The following CADM4 variants were observed in gnomAD, a reference collection of about 807,000 sequenced individuals.
The protein encoded by CADM4 is TSLC1-like 2.
In CADM4, 13 loss-of-function variants were observed where a neutral mutation model predicts 43.9. The ratio of observed to expected loss-of-function variants is 0.30; its 90% CI spans 0.19 to 0.47. CADM4 has a LOEUF of 0.47. Among genes scored for constraint, CADM4 ranks in the 20% least tolerant of loss-of-function variants. CADM4 has a pLI of 1.00. For synonymous variants in CADM4, 209 were observed against 220.9 expected (o/e 0.95, Z 0.48); for missense variants, 420 against 527.0 (o/e 0.80, Z 1.99).
At chr19:43,630,286 T>TC (rs1022605203) in intron 1 of CADM4, among the ~76,000 whole-genome samples, 9 of 136,286 alleles carry the variant, frequency 6.6e-5, no homozygotes, top group East Asian at 6.1e-4. Context: ...CTTTTCTTTT[T>TC]TTTTTTTTTT....
At chr19:43,639,389 A>G (rs1973742111) in intron 1 of CADM4, among the ~76,000 whole-genome samples, 1 of 150,974 alleles carries the variant, frequency 6.6e-6, no homozygotes, top group Non-Finnish European at 1.5e-5. Flanking sequence ...GGGGGTTCAG[A>G]GACGGGCGGA....
At chr19:43,635,317 C>T (rs1463897036) in intron 1 of CADM4, among the ~76,000 whole-genome samples, 2 of 151,986 alleles carry the variant, frequency 1.3e-5, no homozygotes, top group South Asian at 2.1e-4. Flanking sequence ...CCTGACTGAA[C>T]CCCCCTCAGC....
chr19:43,638,119 C>G (rs1368740889), intron 1 of CADM4, among the ~76,000 whole-genome samples: 5 of 152,212 alleles, frequency 3.3e-5, no homozygotes, highest in Non-Finnish European at 7.3e-5. Context: ...AGTTCTAAAG[C>G]AGTCACAGAA....
rs1973547241 is a variant in CADM4, at chr19:43,627,364, T to C, written c.212-46A>G. 1 of 1,523,748 alleles carries C rather than the reference T, an allele frequency of 6.6e-7. No homozygotes were observed. The highest frequency in any genetic ancestry group is 1.3e-5 in the South Asian group (1 of 77,242). The allele number at this position is 1,523,748 out of a possible 1,614,324, so 94.4% of individuals were successfully genotyped here. A position where few individuals can be genotyped will look rare whatever the true frequency, so the allele number is the denominator to read the frequency against. On this transcript the variant is annotated intron_variant, in intron 2 of 8. Transcript: ENST00000222374. The surrounding 1 kb of genome is among the most constrained non-coding windows in gnomAD (Gnocchi z 4.0). ...GGTGTGAATTTCGGGAGTCCTGGCC[T>C]CACAAGTCCCACCCTTCCGACAGGA...
chr19:43,629,350 T>C (rs1319958649), intron 1 of CADM4, among the ~76,000 whole-genome samples: 1 of 152,160 alleles, frequency 6.6e-6, no homozygotes, highest in Non-Finnish European at 1.5e-5. Flanking sequence ...TTCAGGGGTG[T>C]CTGTTACAGC....
intron 1 of CADM4, among the ~76,000 whole-genome samples, chr19:43,632,887 C>A (rs1206545172): frequency 6.6e-6 from 1 of 151,960 alleles, no homozygotes; most frequent in Non-Finnish European, 1.5e-5. Context: ...GAGTTCAAGA[C>A]CAGCCTGGCC....
upstream of CADM4, among the ~76,000 whole-genome samples, chr19:43,640,142 G>A (rs925464722): frequency 2.6e-5 from 4 of 151,390 alleles, no homozygotes; most frequent in African/African-American, 7.3e-5. Context: ...CAGGTGCTGC[G>A]CGCGAGGGTG....
At position 43,627,320 on chromosome 19, in the gene CADM4, T is replaced by A. The variant is rs2074872449; in HGVS notation, c.212-2A>T. Reference sequence around the variant, plus strand: ...GCTGGAAACGCTCATCCTTCAAGGCTAGAGAGAGTGAGGGGGAAGGTGTGA... The same window carrying A: ...GCTGGAAACGCTCATCCTTCAAGGCAAGAGAGAGTGAGGGGGAAGGTGTGA... On this transcript the variant is annotated splice_acceptor_variant, in intron 2 of 8. Transcript: ENST00000222374. LOFTEE classifies it high-confidence loss of function. The surrounding 1 kb of genome is among the most constrained non-coding windows in gnomAD (Gnocchi z 4.0). The A allele has an allele frequency of 6.4e-7, 1 of 1,573,616 alleles. No homozygotes were observed. The highest frequency in any genetic ancestry group is 1.8e-5 in the Admixed American group (1 of 55,678).
chr19:43,628,371 G>A (rs1398737307), intron 1 of CADM4, among the ~76,000 whole-genome samples: 2 of 151,572 alleles, frequency 1.3e-5, no homozygotes, highest in African/African-American at 4.8e-5. Flanking sequence ...GGAGTTGGAA[G>A]TTGCAGTGAG....
At chr19:43,639,356 T>G (rs550793224) in intron 1 of CADM4, among the ~76,000 whole-genome samples, 18 of 96,708 alleles carry the variant, frequency 1.9e-4, no homozygotes, top group South Asian at 4.3e-4. Flanking sequence ...AGGACAAGGG[T>G]AGGGGGACGA....
chr19:43,627,911 T>C lies in CADM4; in HGVS notation c.65-121A>G. On this transcript the variant is annotated intron_variant, in intron 1 of 8. Transcript: ENST00000222374. This position sits in a 1 kb window ranked among gnomAD's most constrained non-coding sequence, Gnocchi z 4.0. ...CTCTCTTTCCCCTCATTCATTCCAT[T>C]GCACTGAACATTTCCTGCAGGCTAG... 1 of 972,198 alleles carries C rather than the reference T, an allele frequency of 1.0e-6. No individual in the cohort carries two copies. Among genetic ancestry groups the C allele is most frequent in the Non-Finnish European group, 1.6e-6 (1 of 642,004 alleles). 60.2% of individuals were successfully genotyped at this position (972,198 alleles called of 1,614,324 possible).
At position 43,639,751 on chromosome 19, in the gene CADM4, G is replaced by A. The variant is rs1389342012; in HGVS notation, c.40C>T (p.Leu14=). The A allele has an allele frequency of 9.8e-6, 10 of 1,021,792 alleles. No individual in the cohort carries two copies. Among genetic ancestry groups the A allele is most frequent in the Non-Finnish European group, 1.1e-5 (9 of 851,666 alleles). The allele number at this position is 1,021,792 out of a possible 1,614,324, so 63.3% of individuals were successfully genotyped here. Residue 14 remains leucine, a synonymous_variant, in exon 1 of 9, where the codon CTG becomes TTG. Transcript: ENST00000222374. ...CCTGGCCCCGCCGCGGCCGCCCACA[G>A]CAGCAGCAGCGGCCACTGGAAGCGC... is the stretch of plus-strand genomic sequence containing the variant. The part of the protein sequence containing the change: ...ARRFQWPLLL[L]WAAAAGPGAG...
At position 43,626,021 on chromosome 19, in the gene CADM4, GGAGA is replaced by G; in HGVS notation, c.665-24_665-21del. 1 of 1,614,076 alleles carries G rather than the reference GGAGA, an allele frequency of 6.2e-7. No homozygotes were observed. The highest frequency in any genetic ancestry group is 8.5e-7 in the Non-Finnish European group (1 of 1,179,946). On this transcript the variant is annotated intron_variant, in intron 5 of 8. Coordinates refer to ENST00000222374, the MANE Select transcript of CADM4 (RefSeq NM_145296.2). The surrounding 1 kb of genome is among the most constrained non-coding windows in gnomAD (Gnocchi z 5.9). ...GGGAGTCTGTTAGGCAAAAGTAAGA[GGAGA>G]GAGTAGTTTCCAAGCCATCACGCAG...
At position 43,627,411 on chromosome 19, in the gene CADM4, C is replaced by T; in HGVS notation, c.212-93G>A. On this transcript the variant is annotated intron_variant, in intron 2 of 8. Transcript: ENST00000222374. The surrounding 1 kb of genome is among the most constrained non-coding windows in gnomAD (Gnocchi z 4.0). ...AGGAGCTTAGAGTCCAGCCCTCTGC[C>T]TCTTTTCTCCAGCCATATCTATGAG... is the stretch of plus-strand genomic sequence containing the variant. 7.1e-7 allele frequency: 1 copy of T among 1,410,228 alleles called. No individual in the cohort carries two copies. The highest frequency in any genetic ancestry group is 9.5e-7 in the Non-Finnish European group (1 of 1,056,564). 87.4% of individuals were successfully genotyped at this position (1,410,228 alleles called of 1,614,324 possible). A position where few individuals can be genotyped will look rare whatever the true frequency, so the allele number is the denominator to read the frequency against.
intron 1 of CADM4, among the ~76,000 whole-genome samples, chr19:43,633,902 C>T (rs1298681797): frequency 1.3e-5 from 2 of 151,282 alleles, no homozygotes; most frequent in South Asian, 4.2e-4. Flanking sequence ...CAATATCTTG[C>T]CCAGGTTGGT....
chr19:43,624,961 AC>A, intron 7 of CADM4, 116 bp downstream of exon 7: 1 of 1,197,584 alleles, frequency 8.4e-7, no homozygotes, highest in Non-Finnish European at 1.1e-6. Context: ...TGGTCCCAAA[AC>A]AAAAAGAACT....
chr19:43,632,174 C>G (rs1358463382), intron 1 of CADM4, among the ~76,000 whole-genome samples: 1 of 152,156 alleles, frequency 6.6e-6, no homozygotes, highest in Non-Finnish European at 1.5e-5. Context: ...AGGTCAAAAA[C>G]CTAGAAATCA....
At position 43,639,800 on chromosome 19, in the gene CADM4, G is replaced by A. The variant is rs1160007221; in HGVS notation, c.-10C>T. 1.0e-6 allele frequency: 1 copy of A among 998,660 alleles called. No individual in the cohort carries two copies. Among genetic ancestry groups the A allele is most frequent in the Non-Finnish European group, 1.2e-6 (1 of 842,688 alleles). The allele number at this position is 998,660 out of a possible 1,614,324, so 61.9% of individuals were successfully genotyped here. Reference sequence around the variant, plus strand: ...GCCGGGCCCGGCCCATGGTGCCGCCGCCGCCGCCGCCGCCGCTCGCTCCCG... The same window carrying A: ...GCCGGGCCCGGCCCATGGTGCCGCCACCGCCGCCGCCGCCGCTCGCTCCCG... On this transcript the variant is annotated 5_prime_UTR_variant, in exon 1 of 9. Transcript: ENST00000222374.
chr19:43,639,805 C>T lies in CADM4; in HGVS notation c.-15G>A. The T allele has an allele frequency of 1.0e-6, 1 of 1,000,302 alleles. No homozygotes were observed. Among genetic ancestry groups the T allele is most frequent in the Non-Finnish European group, 1.2e-6 (1 of 843,986 alleles). 62.0% of individuals were successfully genotyped at this position (1,000,302 alleles called of 1,614,324 possible). On this transcript the variant is annotated 5_prime_UTR_variant, in exon 1 of 9. Transcript: ENST00000222374. Reference sequence around the variant, plus strand: ...GCCCGGCCCATGGTGCCGCCGCCGCCGCCGCCGCCGCTCGCTCCCGGCCCG... The same window carrying T: ...GCCCGGCCCATGGTGCCGCCGCCGCTGCCGCCGCCGCTCGCTCCCGGCCCG...
Sources: gnomAD v4.1 joint callset for allele counts (sites outside exome capture counted in the v4.1 genomes callset) on GRCh38, gnomAD v4.1.1 for gene constraint, Gnocchi (gnomAD v3.1) non-coding constraint, MANE v1.5 for transcripts, NCBI Gene and HGNC (gene_info 2026-07-23, HGNC 2026-07-21) for gene names.